NR6A1: variants seen among roughly 807,000 people sequenced by gnomAD.
The protein encoded by NR6A1 is retinoic acid receptor-related testis-associated receptor.
A neutral mutation model predicts 59.1 loss-of-function variants in NR6A1; 7 were observed. The observed-to-expected ratio is 0.12, with a 90% confidence interval of 0.07 to 0.22. The LOEUF (loss-of-function observed/expected upper bound fraction) is 0.22. Ranked by LOEUF, NR6A1 falls within the 10% of genes least tolerant of loss-of-function variation. The pLI, the probability that NR6A1 is intolerant of heterozygous loss-of-function variation, is 1.00. For synonymous variants in NR6A1, 243 were observed against 236.1 expected (o/e 1.03, Z -0.27); for missense variants, 468 against 611.6 (o/e 0.77, Z 2.48).
intron 2 of NR6A1, among the ~76,000 whole-genome samples, chr9:124,691,772 T>C (rs931933047): frequency 6.6e-6 from 1 of 152,226 alleles, no homozygotes; most frequent in East Asian, 1.9e-4. Flanking sequence ...AACTTAGTAA[T>C]GCAGGATCTC....
intron 2 of NR6A1, among the ~76,000 whole-genome samples, chr9:124,697,622 C>A: frequency 7.2e-6 from 1 of 138,190 alleles, no homozygotes; most frequent in Non-Finnish European, 1.6e-5. Flanking sequence ...GACTAAAGCA[C>A]ATAAAAAGAT....
rs779827478 is a variant in NR6A1 at position 124,540,088 on chromosome 9, C to T, written c.541G>A (p.Gly181Arg). 13 of 1,613,900 alleles carry T rather than the reference C, an allele frequency of 8.1e-6. No homozygotes were observed. The South Asian group carries it at 1.4e-4, about 18-fold the overall frequency. Reference sequence around the variant, plus strand: ...TGGTTGCTCTCCGAAGCCCTGTTCCCAGGGGAACTGTGGTCACTATCACCA... The same window carrying T: ...TGGTTGCTCTCCGAAGCCCTGTTCCTAGGGGAACTGTGGTCACTATCACCA... ...NHGDSDHSSP[G>R]NRASESNQPS... The change falls in exon 5 of 10, where the codon GGG becomes AGG. Residue 181 changes from glycine to arginine, a missense_variant. By Grantham distance (125) the Gly-to-Arg change is moderately radical. This residue lies in a region of NR6A1 where 151 missense variants were observed against 142.8 expected (regional missense o/e 1.06). Transcript: ENST00000487099.
intron 2 of NR6A1, among the ~76,000 whole-genome samples, chr9:124,630,469 T>A (rs1055189568): frequency 3.3e-5 from 5 of 151,200 alleles, no homozygotes; most frequent in Admixed American, 1.3e-4. Context: ...ACTCCTGACC[T>A]CAGGTGATCC....
intron 7 of NR6A1, 38 bp downstream of exon 7, chr9:124,535,840 G>C (rs1282138187): frequency 6.2e-7 from 1 of 1,609,676 alleles, no homozygotes. Context: ...ACAATTGTTT[G>C]GTTGTTTGGT....
At chr9:124,658,261 G>A (rs757056593) in intron 2 of NR6A1, among the ~76,000 whole-genome samples, 11 of 152,038 alleles carry the variant, frequency 7.2e-5, no homozygotes, top group Non-Finnish European at 1.3e-4. Flanking sequence ...CCTGAATTAC[G>A]GCCTCTGAAT....
chr9:124,756,972 C>G (rs938929434), intron 1 of NR6A1, among the ~76,000 whole-genome samples: 19 of 140,360 alleles, frequency 1.4e-4, no homozygotes, highest in Non-Finnish European at 3.0e-4. Flanking sequence ...GGGCAACATT[C>G]TAGTGCCAGA....
chr9:124,704,528 A>G (rs1839065821), intron 2 of NR6A1, among the ~76,000 whole-genome samples: 2 of 152,170 alleles, frequency 1.3e-5, no homozygotes, highest in Non-Finnish European at 1.5e-5. Context: ...CTCCCACCTC[A>G]GCCTCCCAAG....
chr9:124,606,818 C>CACCT (rs1835588577), intron 2 of NR6A1, among the ~76,000 whole-genome samples: 1 of 152,202 alleles, frequency 6.6e-6, no homozygotes, highest in Non-Finnish European at 1.5e-5. Context: ...AGGCCATGGG[C>CACCT]ACCTCCCTGT....
chr9:124,606,517 A>AGG (rs1250254139), intron 2 of NR6A1, among the ~76,000 whole-genome samples: 2 of 152,210 alleles, frequency 1.3e-5, no homozygotes, highest in African/African-American at 4.8e-5. Context: ...AAATAAAATA[A>AGG]GGGGCAGCCT....
intron 2 of NR6A1, among the ~76,000 whole-genome samples, chr9:124,616,003 G>A (rs1320004553): frequency 6.6e-6 from 1 of 151,896 alleles, no homozygotes; most frequent in Admixed American, 6.6e-5. Flanking sequence ...GGGATTACAG[G>A]CGTGAGTCAC....
chr9:124,750,327 A>C (rs1157214264), intron 1 of NR6A1, among the ~76,000 whole-genome samples: 1 of 152,198 alleles, frequency 6.6e-6, no homozygotes, highest in Non-Finnish European at 1.5e-5. Flanking sequence ...CAGCATTTTT[A>C]AGCAAGGGTC....
At chr9:124,575,016 T>C (rs1276860784) in intron 2 of NR6A1, among the ~76,000 whole-genome samples, 5 of 152,204 alleles carry the variant, frequency 3.3e-5, no homozygotes, top group African/African-American at 7.2e-5. Context: ...AGCTAGGTCT[T>C]TGCACGAAAC....
At chr9:124,574,825 C>T (rs1416106757) in intron 2 of NR6A1, among the ~76,000 whole-genome samples, 1 of 152,166 alleles carries the variant, frequency 6.6e-6, no homozygotes, top group Non-Finnish European at 1.5e-5. Context: ...CTTTTGGATA[C>T]TACGTTTTAA....
chr9:124,725,997 G>C (rs575792348), intron 2 of NR6A1, among the ~76,000 whole-genome samples: 1 of 152,210 alleles, frequency 6.6e-6, no homozygotes, highest in African/African-American at 2.4e-5. Context: ...GAAAAGAAGG[G>C]TTTTTAACAG....
chr9:124,642,329 C>T (rs933495563), intron 2 of NR6A1, among the ~76,000 whole-genome samples: 29 of 152,278 alleles, frequency 1.9e-4, no homozygotes, highest in Non-Finnish European at 2.9e-4. Flanking sequence ...GGATTACAGG[C>T]GTGAGGCACT....
chr9:124,554,804 C>T (rs867799609), intron 2 of NR6A1, among the ~76,000 whole-genome samples: 1 of 152,138 alleles, frequency 6.6e-6, no homozygotes, highest in Non-Finnish European at 1.5e-5. Context: ...ACACTTGGAT[C>T]AGTATCTAAG....
chr9:124,659,597 C>T (rs932583573), intron 2 of NR6A1, among the ~76,000 whole-genome samples: 3 of 151,816 alleles, frequency 2.0e-5, no homozygotes, highest in South Asian at 4.2e-4. Context: ...TCTTCTCAGT[C>T]GCGCCTGCTT....
intron 2 of NR6A1, among the ~76,000 whole-genome samples, chr9:124,725,050 T>G (rs1429437776): frequency 2.0e-5 from 3 of 152,212 alleles, no homozygotes. Flanking sequence ...ACTTCCCTTG[T>G]ATCAAGTCGG....
intron 2 of NR6A1, among the ~76,000 whole-genome samples, chr9:124,562,095 T>A (rs1413122139): frequency 6.6e-6 from 1 of 152,160 alleles, no homozygotes; most frequent in Non-Finnish European, 1.5e-5. Flanking sequence ...GCATATAAAG[T>A]CATGTCTTAA....
Sources: gnomAD v4.1 joint callset for allele counts (sites outside exome capture counted in the v4.1 genomes callset) on GRCh38, gnomAD v4.1.1 for gene constraint, gnomAD v4.1.1 regional missense constraint, MANE v1.5 for transcripts, NCBI Gene and HGNC (gene_info 2026-07-23, HGNC 2026-07-21) for gene names.